ADGRE2: variants seen among roughly 807,000 people sequenced by gnomAD.
ADGRE2 encodes the protein adhesion G protein-coupled receptor E2, also known as CD97 antigen.
Under a neutral mutation model 100.8 loss-of-function variants are expected in ADGRE2, and 83 were observed. The ratio of observed to expected loss-of-function variants is 0.82; its 90% CI spans 0.69 to 0.99. The LOEUF (loss-of-function observed/expected upper bound fraction) is 0.99. ADGRE2 is among the 50% of genes least tolerant of loss of function. The pLI is 0.00. For synonymous variants in ADGRE2, 355 were observed against 413.0 expected (o/e 0.86, Z 1.70); for missense variants, 814 against 1,035.7 (o/e 0.79, Z 2.94).
chr19:14,755,139 G>T lies in ADGRE2; in HGVS notation c.1417-12C>A. ...CTCGGGATCACTGACTGCAGGAACA[G>T]AACACAGGTGTGGGCTGGGCATGGT... On this transcript the variant is annotated splice_polypyrimidine_tract_variant and intron_variant, in intron 13 of 20. Coordinates refer to ENST00000315576, the MANE Select transcript of ADGRE2 (RefSeq NM_013447.4). 2.5e-6 allele frequency: 4 copies of T among 1,611,766 alleles called. No homozygotes were observed. The highest frequency in any genetic ancestry group is 3.4e-6 in the Non-Finnish European group (4 of 1,178,282).
At chr19:14,743,570 G>A (rs762747964) in intron 19 of ADGRE2, 40 bp from the exon 20 acceptor site, 3 of 1,612,522 alleles carry the variant, frequency 1.9e-6, no homozygotes, top group South Asian at 2.2e-5. Flanking sequence ...CTCACAGAGA[G>A]CAGTGAGGAC....
chr19:14,744,482 A>C (rs1297145892), intron 18 of ADGRE2, among the ~76,000 whole-genome samples: 1 of 151,940 alleles, frequency 6.6e-6, no homozygotes, highest in African/African-American at 2.4e-5. Flanking sequence ...TTGAGATGGA[A>C]TCTCCCTCTG....
chr19:14,756,478 G>A, intron 11 of ADGRE2, 133 bp from the exon 12 acceptor site: 1 of 650,544 alleles, frequency 1.5e-6, no homozygotes, highest in Admixed American at 2.3e-5. Context: ...AGAGAATAGT[G>A]TGAGCAACTG....
At chr19:14,743,299 AC>A in intron 20 of ADGRE2, 120 bp downstream of exon 20, 2 of 774,670 alleles carry the variant, frequency 2.6e-6, no homozygotes, top group Non-Finnish European at 4.6e-6. Context: ...GTCAAGGCGT[AC>A]TCAGATGCGA....
intron 18 of ADGRE2, 97 bp downstream of exon 18, chr19:14,746,135 G>C (rs921404071): frequency 1.4e-6 from 1 of 704,270 alleles, no homozygotes; most frequent in African/African-American, 1.9e-5. Flanking sequence ...CCCTTCAAAA[G>C]ACCCTGAGAA....
chr19:14,752,150 C>T (rs2043316698), intron 15 of ADGRE2, among the ~76,000 whole-genome samples, 179 bp downstream of exon 15: 1 of 151,930 alleles, frequency 6.6e-6, no homozygotes, highest in Admixed American at 6.6e-5. Context: ...TCAGGCTGGT[C>T]TCAAACTCCC....
At chr19:14,760,526 T>C (rs967036930) in intron 11 of ADGRE2, among the ~76,000 whole-genome samples, 7 of 152,134 alleles carry the variant, frequency 4.6e-5, no homozygotes, top group Admixed American at 1.3e-4. Flanking sequence ...TTCCACTCCT[T>C]AGTATATACC....
At chr19:14,769,127 C>T (rs1362112283) in intron 5 of ADGRE2, among the ~76,000 whole-genome samples, 13 of 152,144 alleles carry the variant, frequency 8.5e-5, no homozygotes, top group East Asian at 3.9e-4. Flanking sequence ...TGGTGGCTCA[C>T]GCCTGCAATC....
chr19:14,778,488 C>T lies in ADGRE2; in HGVS notation c.-403G>A, dbSNP rs571628982. ...CAGGGAGGGAGAAGGGGCCCTCTTC[C>T]GATGCCAGGCAGGTGCCAAGAAGAG... is the stretch of plus-strand genomic sequence containing the variant. On this transcript the variant is annotated 5_prime_UTR_variant, in exon 1 of 21. Coordinates refer to ENST00000315576, the MANE Select transcript of ADGRE2 (RefSeq NM_013447.4). 47 of 927,594 alleles carry T rather than the reference C, an allele frequency of 5.1e-5. No individual in the cohort carries two copies. The highest frequency in any genetic ancestry group is 6.2e-5 in the Admixed American group (1 of 16,214). 57.5% of individuals were successfully genotyped at this position (927,594 alleles called of 1,614,324 possible). A position where few individuals can be genotyped will look rare whatever the true frequency, so the allele number is the denominator to read the frequency against.
Position 14,752,375 on chromosome 19 carries a change from A to T in ADGRE2, c.1742T>A (p.Leu581Gln). 6.2e-7 allele frequency: 1 copy of T among 1,614,214 alleles called. No individual in the cohort carries two copies. The highest frequency in any genetic ancestry group is 8.5e-7 in the Non-Finnish European group (1 of 1,180,032). The stretch of plus-strand genomic sequence containing the variant: ...TGCCACGAGGAAGAGGAGGTGGGCC[A>T]GGAAGAGGCAGAGCGAGAGCTGCAG... The part of the protein sequence containing the change: ...LHLQLSLCLF[L>Q]AHLLFLVAID... Residue 581 changes from leucine (L) to glutamine (Q), a missense_variant, in exon 15 of 21, where the codon CTG becomes CAG. By Grantham distance (113) the Leu-to-Gln change is moderately radical. This residue lies in a region of ADGRE2 where 569 missense variants were observed against 692.7 expected (regional missense o/e 0.82). Transcript: ENST00000315576.
chr19:14,770,806 G>A (rs1420434433), intron 5 of ADGRE2, among the ~76,000 whole-genome samples: 1 of 150,478 alleles, frequency 6.6e-6, no homozygotes, highest in South Asian at 2.1e-4. Context: ...AGCCTCCTGA[G>A]TAGCTGGGAT....
chr19:14,745,966 A>G (rs1254928634), intron 18 of ADGRE2, among the ~76,000 whole-genome samples: 1 of 152,192 alleles, frequency 6.6e-6, no homozygotes, highest in African/African-American at 2.4e-5. Context: ...TATTTTGTAT[A>G]TATACCATTT....
intron 5 of ADGRE2, among the ~76,000 whole-genome samples, chr19:14,770,186 G>A (rs1485600792): frequency 2.0e-5 from 3 of 152,092 alleles, no homozygotes; most frequent in Admixed American, 2.0e-4. Flanking sequence ...TGAACATCTC[G>A]GTGCTGTCCT....
Position 14,772,373 on chromosome 19 carries a change from T to A in ADGRE2, c.324A>T (p.Thr108=), listed in dbSNP as rs778934730. Residue 108 remains threonine, a synonymous_variant, in exon 5 of 21, where the codon ACA becomes ACT. Coordinates refer to ENST00000315576, the MANE Select transcript of ADGRE2 (RefSeq NM_013447.4). ...ACGTGTTCTCGCTCTCATTCTTGAA[T>A]GTTTTTGCCCCAGAAACAGGCTCAT... ...PGYEPVSGAK[T]FKNESENTCQ... The A allele has an allele frequency of 4.3e-5, 70 of 1,614,022 alleles. No homozygotes were observed. In the South Asian group the frequency reaches 6.7e-4, roughly 15 times the overall value.
chr19:14,751,578 C>T lies in ADGRE2; in HGVS notation c.1882G>A (p.Ala628Thr). Residue 628 changes from alanine to threonine, a missense_variant, in exon 16 of 21, where the codon GCA becomes ACA. Around this residue, in one of 5 missense-constraint regions of ADGRE2, gnomAD observed 569 missense variants for 692.7 expected, o/e 0.82. Transcript: ENST00000315576. The part of the protein sequence containing the change: ...LLEALYLFLT[A>T]RNLTVVNYSS... ...TAGTTGACCACCGTCAGGTTCCGTG[C>T]AGTGAGGAAGAGGTACAGGGCCTCC... 1 of 1,613,958 alleles carries T rather than the reference C, an allele frequency of 6.2e-7. No individual in the cohort carries two copies.
intron 14 of ADGRE2, among the ~76,000 whole-genome samples, chr19:14,753,589 T>C (rs948760683): frequency 4.0e-5 from 6 of 151,666 alleles, no homozygotes; most frequent in African/African-American, 1.5e-4. Context: ...AGGTAAGGAG[T>C]TCGAGACCAG....
chr19:14,775,945 C>T (rs1490308963), intron 2 of ADGRE2, among the ~76,000 whole-genome samples: 1 of 151,788 alleles, frequency 6.6e-6, no homozygotes, highest in Non-Finnish European at 1.5e-5. Flanking sequence ...GACACAGGTG[C>T]ACACACACCA....
Position 14,746,970 on chromosome 19 carries a change from AAGAG to A in ADGRE2, c.2025-12_2025-9del. 6.3e-7 allele frequency: 1 copy of A among 1,595,292 alleles called. No homozygotes were observed. Among genetic ancestry groups the A allele is most frequent in the East Asian group, 2.3e-5 (1 of 44,374 alleles). ...TCTGGTTGGAGCCAGCAGCTGAAAA[AAGAG>A]AGATTAAAAAAAATGCATCAGTTTT... On this transcript the variant is annotated splice_polypyrimidine_tract_variant and intron_variant, in intron 16 of 20. Transcript: ENST00000315576.
In ADGRE2 at chr19:14,752,389, C is replaced by T. The variant is rs761725741; in HGVS notation, c.1728G>A (p.Ser576=). 9.9e-6 allele frequency: 16 copies of T among 1,614,078 alleles called. No individual in the cohort carries two copies. The Middle Eastern group carries it at 9.9e-4, about 100-fold the overall frequency. Residue 576 remains serine (S), a synonymous_variant, in exon 15 of 21, where the codon TCG becomes TCA. Coordinates refer to ENST00000315576, the MANE Select transcript of ADGRE2 (RefSeq NM_013447.4). ...GGAGGTGGGCCAGGAAGAGGCAGAG[C>T]GAGAGCTGCAGATGCAGTGAGGTGC... is the stretch of plus-strand genomic sequence containing the variant. ...NTSTSLHLQL[S]LCLFLAHLLF... is the part of the protein sequence containing the mutation.
Sources: gnomAD v4.1 joint callset for allele counts (sites outside exome capture counted in the v4.1 genomes callset) on GRCh38, gnomAD v4.1.1 for gene constraint, gnomAD v4.1.1 regional missense constraint, MANE v1.5 for transcripts, NCBI Gene and HGNC (gene_info 2026-07-23, HGNC 2026-07-21) for gene names.